The following MID1 variants were observed in gnomAD, a reference collection of about 807,000 sequenced individuals.
The protein encoded by MID1 is E3 ubiquitin-protein ligase Midline-1.
In MID1, 7 loss-of-function variants were observed where a neutral mutation model predicts 40.4. The ratio of observed to expected loss-of-function variants is 0.17; its 90% CI spans 0.10 to 0.33. The LOEUF is 0.33. Ranked by LOEUF, MID1 falls within the 10% of genes least tolerant of loss-of-function variation. MID1 has a pLI of 1.00. For missense variants in MID1, 367 were observed against 558.5 expected, an observed-to-expected ratio of 0.66 and a Z score of 3.46; for synonymous variants, 229 against 221.2, an observed-to-expected ratio of 1.04 and a Z score of -0.31.
intron 1 of MID1, among the ~76,000 whole-genome samples, chrX:10,729,205 C>T (rs189757618): frequency 9.0e-6 from 1 of 111,626 alleles, no homozygotes; most frequent in Admixed American, 9.6e-5. Flanking sequence ...AACTGGGAGC[C>T]GTTCTAAAGG....
intron 1 of MID1, among the ~76,000 whole-genome samples, chrX:10,710,972 T>G (rs896596094): frequency 1.8e-5 from 2 of 111,597 alleles, no homozygotes; most frequent in African/African-American, 6.5e-5. Flanking sequence ...GCCATGTCTT[T>G]TCTTTAGCCT....
chrX:10,622,335 C>T (rs989860675), upstream of MID1, among the ~76,000 whole-genome samples: 3 of 111,365 alleles, frequency 2.7e-5, no homozygotes, highest in East Asian at 2.8e-4. Context: ...GCTACAACTG[C>T]GTCTGCCTTC....
At chrX:10,828,924 G>A (rs1256711346) in intron 1 of MID1, among the ~76,000 whole-genome samples, 1 of 112,280 alleles carries the variant, frequency 8.9e-6, no homozygotes, top group East Asian at 2.8e-4. Context: ...GTCCAATGAA[G>A]TGTGTATTTA....
chrX:10,588,155 A>G (rs1602441736), intron 1 of MID1, among the ~76,000 whole-genome samples: 1 of 112,561 alleles, frequency 8.9e-6, no homozygotes, highest in East Asian at 2.8e-4. Flanking sequence ...AACTTTCAAA[A>G]CAATAATTTT....
At position 10,449,327 on chromosome X, in the gene MID1, C is replaced by A. The variant is rs776072976; in HGVS notation, c.*41G>T. On this transcript the variant is annotated 3_prime_UTR_variant, in exon 10 of 10. Coordinates refer to ENST00000317552, the MANE Select transcript of MID1 (RefSeq NM_000381.4). Reference sequence around the variant, plus strand: ...TCAGTCCCCTAAATAGTGGCCTGAACCTTACTGTTCCCCAGAAAGCAGCTC... The same window carrying A: ...TCAGTCCCCTAAATAGTGGCCTGAAACTTACTGTTCCCCAGAAAGCAGCTC... The A allele has an allele frequency of 7.2e-6, 8 of 1,108,684 alleles. No homozygotes were observed. In the East Asian group the frequency reaches 2.4e-4, roughly 34 times the overall value. 91.4% of individuals were successfully genotyped at this position (1,108,684 alleles called of 1,213,427 possible). A position where few individuals can be genotyped will look rare whatever the true frequency, so the allele number is the denominator to read the frequency against.
intron 4 of MID1, among the ~76,000 whole-genome samples, chrX:10,489,316 G>A (rs1707519276): frequency 8.9e-6 from 1 of 111,815 alleles, no homozygotes; most frequent in African/African-American, 3.3e-5. Flanking sequence ...CCTAACCCAA[G>A]GTCAAGATCT....
At chrX:10,486,174 G>A (rs1039790949) in intron 4 of MID1, among the ~76,000 whole-genome samples, 2 of 112,333 alleles carry the variant, frequency 1.8e-5, no homozygotes, top group Non-Finnish European at 3.8e-5. Flanking sequence ...TCATCAGTAG[G>A]TACTAACGTG....
At chrX:10,461,138 T>TACACACACACACACACACACACACACAC (rs200040870) in intron 7 of MID1, among the ~76,000 whole-genome samples, 7 of 96,796 alleles carry the variant, frequency 7.2e-5, no homozygotes, top group African/African-American at 2.7e-4. Context: ...TATCTAAAGA[T>TACACACACACACACACACACACACACAC]ACACACACAC....
intron 1 of MID1, among the ~76,000 whole-genome samples, chrX:10,782,304 C>T (rs938332435): frequency 1.7e-4 from 19 of 111,763 alleles, no homozygotes; most frequent in African/African-American, 5.2e-4. Context: ...TCCTGTCTGC[C>T]GCCCTTAGTT....
At chrX:10,731,966 CAAAA>C (rs754605735) in intron 1 of MID1, among the ~76,000 whole-genome samples, 277 of 26,640 alleles carry the variant, frequency 0.01, 3 homozygotes, top group African/African-American at 0.026. Context: ...GAATCTATCA[CAAAA>C]AAAAAAAAAA....
At chrX:10,586,362 C>T (rs1371008554) in intron 1 of MID1, among the ~76,000 whole-genome samples, 1 of 111,489 alleles carries the variant, frequency 9.0e-6, no homozygotes, top group Non-Finnish European at 1.9e-5. Flanking sequence ...GGCTTGTCGT[C>T]TTCTTCAGAG....
At chrX:10,816,230 G>A (rs979537398) in intron 1 of MID1, among the ~76,000 whole-genome samples, 8 of 111,799 alleles carry the variant, frequency 7.2e-5, no homozygotes, top group Non-Finnish European at 1.1e-4. Context: ...GCCCCTTTCT[G>A]TCAATTACAC....
At chrX:10,687,637 C>T (rs917108413) in intron 1 of MID1, among the ~76,000 whole-genome samples, 2 of 112,115 alleles carry the variant, frequency 1.8e-5, no homozygotes, top group Non-Finnish European at 1.9e-5. Context: ...GTGCCTATTG[C>T]GAAAGCTTTA....
intron 1 of MID1, among the ~76,000 whole-genome samples, chrX:10,816,254 C>T: frequency 8.9e-6 from 1 of 111,788 alleles, no homozygotes; most frequent in Non-Finnish European, 1.9e-5. Flanking sequence ...CTTTATGAGG[C>T]CAATATTGAT....
At chrX:10,822,886 A>C (rs1224600294) in intron 1 of MID1, among the ~76,000 whole-genome samples, 1 of 112,258 alleles carries the variant, frequency 8.9e-6, no homozygotes, top group Admixed American at 9.4e-5. Context: ...AGTGTAAATT[A>C]GTTCAACCAT....
rs139928252 is a variant in MID1, at chrX:10,536,720, C to T, written c.661-13533G>A. Among the ~76,000 whole-genome samples, 564 of 111,989 alleles carry T rather than the reference C, an allele frequency of 5.0e-3. 5 individuals are homozygous for T. The highest frequency in any genetic ancestry group is 0.017 in the African/African-American group (535 of 30,821). ...CAACCACAGCAGTCACCTGGGGAGCCGGTTAAAAATACAAATTGTTGGGCA... is the reference window on the plus strand; with the variant it reads ...CAACCACAGCAGTCACCTGGGGAGCTGGTTAAAAATACAAATTGTTGGGCA... On this transcript the variant is annotated intron_variant, in intron 2 of 9. Coordinates refer to ENST00000317552, the MANE Select transcript of MID1 (RefSeq NM_000381.4).
chrX:10,468,930 GTA>G (rs1929537091), intron 7 of MID1, among the ~76,000 whole-genome samples: 1 of 111,947 alleles, frequency 8.9e-6, no homozygotes, highest in South Asian at 3.7e-4. Flanking sequence ...ACTCAGGAAA[GTA>G]CATAAAACTA....
At chrX:10,797,629 G>A (rs926690542) in intron 1 of MID1, among the ~76,000 whole-genome samples, 2 of 111,424 alleles carry the variant, frequency 1.8e-5, no homozygotes, top group Admixed American at 9.5e-5. Flanking sequence ...CCATTGTGAG[G>A]TCACAGAGAA....
chrX:10,801,877 T>C (rs1292091148), intron 1 of MID1, among the ~76,000 whole-genome samples: 1 of 112,035 alleles, frequency 8.9e-6, no homozygotes, highest in Admixed American at 9.5e-5. Flanking sequence ...AGAGCTTCTG[T>C]ACAGCAAAAG....
Sources: allele counts gnomAD v4.1 joint callset (sites outside exome capture counted in the v4.1 genomes callset), GRCh38; gene constraint gnomAD v4.1.1; transcripts MANE v1.5; gene names NCBI Gene and HGNC (gene_info 2026-07-23, HGNC 2026-07-21).